Variants in CSRP3 observed in about 807,000 individuals in gnomAD.
CSRP3 encodes the protein cysteine and glycine-rich protein 3.
A neutral mutation model predicts 24.3 loss-of-function variants in CSRP3; 24 were observed. The observed-to-expected ratio is 0.99, with a 90% confidence interval of 0.71 to 1.39. The LOEUF is 1.39. CSRP3 is among the 40% of genes most tolerant of loss of function. The pLI, the probability that CSRP3 is intolerant of heterozygous loss-of-function variation, is 0.00. For missense variants in CSRP3, 240 were observed against 249.0 expected, an observed-to-expected ratio of 0.96 and a Z score of 0.24; for synonymous variants, 105 against 94.0, an observed-to-expected ratio of 1.12 and a Z score of -0.68.
At chr11:19,186,073 G>A in intron 4 of CSRP3, 143 bp downstream of exon 4, 1 of 1,039,020 alleles carries the variant, frequency 9.6e-7, no homozygotes, top group East Asian at 2.4e-5. Context: ...CTGGGAAAGT[G>A]GCTGAGGATG....
At chr11:19,201,183 G>A (rs1002894425) in intron 1 of CSRP3, among the ~76,000 whole-genome samples, 19 of 152,194 alleles carry the variant, frequency 1.2e-4, no homozygotes, top group African/African-American at 4.6e-4. Context: ...GAAACAGTGG[G>A]AATCCTAACC....
chr11:19,197,813 T>A (rs1344049487), intron 1 of CSRP3, among the ~76,000 whole-genome samples: 1 of 33,380 alleles, frequency 3.0e-5, no homozygotes. Context: ...AGATTTTGGA[T>A]CATAGGAACA....
chr11:19,188,963 AAG>A (rs1850575755), intron 2 of CSRP3, among the ~76,000 whole-genome samples: 1 of 152,138 alleles, frequency 6.6e-6, no homozygotes, highest in Admixed American at 6.5e-5. Flanking sequence ...CATTTTTCCA[AAG>A]AGAGGATTTA....
At chr11:19,201,690 A>T (rs1850846824) in intron 1 of CSRP3, among the ~76,000 whole-genome samples, 1 of 152,222 alleles carries the variant, frequency 6.6e-6, no homozygotes, top group Non-Finnish European at 1.5e-5. Context: ...AAGTAGTTTT[A>T]TAATGAGGAT....
intron 2 of CSRP3, among the ~76,000 whole-genome samples, chr11:19,190,260 T>C (rs1850593772): frequency 6.6e-6 from 1 of 152,262 alleles, no homozygotes; most frequent in African/African-American, 2.4e-5. Context: ...TGGCCAATTC[T>C]GTAGCCACTC....
intron 1 of CSRP3, among the ~76,000 whole-genome samples, chr11:19,198,048 T>C (rs962788677): frequency 6.6e-6 from 1 of 152,212 alleles, no homozygotes; most frequent in Admixed American, 6.5e-5. Context: ...CATGAATAGA[T>C]TGGAACTTAC....
At position 19,188,248 on chromosome 11, in the gene CSRP3, A is replaced by G. The variant is rs374764059; in HGVS notation, c.169T>C (p.Tyr57His). The change falls in exon 3 of 6, where the codon TAC (tyrosine) becomes CAC (histidine). Residue 57 changes from tyrosine to histidine, a missense_variant. Transcript: ENST00000265968. ...CTGCGCCCATAGCACACCTTGCAGT[A>G]GATCTCCGACTCATGAGCCGCGACT... ...TTVAAHESEI[Y>H]CKVCYGRRYG... The G allele has an allele frequency of 6.2e-7, 1 of 1,613,126 alleles. No homozygotes were observed. Among genetic ancestry groups the G allele is most frequent in the Non-Finnish European group, 8.5e-7 (1 of 1,180,016 alleles).
intron 2 of CSRP3, among the ~76,000 whole-genome samples, chr11:19,191,610 A>G (rs955701992): frequency 6.6e-6 from 1 of 152,234 alleles, no homozygotes; most frequent in South Asian, 2.1e-4. Context: ...ATAAGACTCT[A>G]TCGCAGATGC....
chr11:19,194,650 T>C (rs2133518965), intron 1 of CSRP3, among the ~76,000 whole-genome samples: 1 of 152,312 alleles, frequency 6.6e-6, no homozygotes, highest in Non-Finnish European at 1.5e-5. Flanking sequence ...ACCACTCTAC[T>C]TCAGCCTAAG....
chr11:19,185,677 C>T (rs956675104), intron 4 of CSRP3, among the ~76,000 whole-genome samples: 2 of 152,206 alleles, frequency 1.3e-5, no homozygotes, highest in African/African-American at 4.8e-5. Flanking sequence ...TAATTTTTCT[C>T]TTTCCTCAGG....
In CSRP3 at chr11:19,188,111, A is replaced by C. The variant is rs191035420; in HGVS notation, c.281+25T>G. 542 of 1,614,094 alleles carry C rather than the reference A, an allele frequency of 3.4e-4. 3 individuals carry two copies. The African/African-American group carries it at 6.2e-3, about 18-fold the overall frequency. On this transcript the variant is annotated intron_variant, in intron 3 of 5. Coordinates refer to ENST00000265968, the MANE Select transcript of CSRP3 (RefSeq NM_003476.5). ...CTGATAATTGGAGACTTTAACAGGCAAGGGGGAGCAGGGCAGTAACTCACT... is the reference window on the plus strand; with the variant it reads ...CTGATAATTGGAGACTTTAACAGGCCAGGGGGAGCAGGGCAGTAACTCACT...
chr11:19,183,105 C>T (rs1478596406), intron 5 of CSRP3, among the ~76,000 whole-genome samples: 1 of 152,066 alleles, frequency 6.6e-6, no homozygotes, highest in Non-Finnish European at 1.5e-5. Context: ...TTGCAGTGAG[C>T]CAAGATCACA....
intron 3 of CSRP3, 33 bp downstream of exon 3, chr11:19,188,103 T>C (rs913560056): frequency 8.1e-6 from 13 of 1,613,878 alleles, no homozygotes; most frequent in Non-Finnish European, 1.1e-5. Context: ...TTGGAGACTT[T>C]AACAGGCAAG....
chr11:19,192,249 C>T (rs1408281875), intron 2 of CSRP3, 88 bp downstream of exon 2: 2 of 900,632 alleles, frequency 2.2e-6, no homozygotes. Flanking sequence ...ACTATGAGAA[C>T]CACTGGCATA....
At chr11:19,200,105 A>T (rs964748792) in intron 1 of CSRP3, among the ~76,000 whole-genome samples, 6 of 152,036 alleles carry the variant, frequency 3.9e-5, no homozygotes, top group Non-Finnish European at 5.9e-5. Flanking sequence ...CCCCCCCAAA[A>T]CCCACTGGGT....
At chr11:19,190,573 T>G (rs1850597518) in intron 2 of CSRP3, among the ~76,000 whole-genome samples, 1 of 152,254 alleles carries the variant, frequency 6.6e-6, no homozygotes, top group Non-Finnish European at 1.5e-5. Context: ...GTTGCTGCAT[T>G]ATATTTATTT....
intron 2 of CSRP3, among the ~76,000 whole-genome samples, chr11:19,190,425 C>A (rs776306954): frequency 3.9e-5 from 6 of 152,192 alleles, no homozygotes; most frequent in Non-Finnish European, 8.8e-5. Flanking sequence ...TCCCACTGAT[C>A]ATTTGTATAT....
At position 19,184,977 on chromosome 11, in the gene CSRP3, G is replaced by T; in HGVS notation, c.483C>A (p.Asp161Glu). ...GKSLESTNVT[D>E]KDGELYCKVC... is the part of the protein sequence containing the mutation. ...CTTTGCAATAAAGTTCCCCATCTTTGTCAGTGACATTTGTGGACTCCAGAC... is the reference window on the plus strand; with the variant it reads ...CTTTGCAATAAAGTTCCCCATCTTTTTCAGTGACATTTGTGGACTCCAGAC... Residue 161 changes from aspartate to glutamate, a missense_variant, in exon 5 of 6, where the codon GAC becomes GAA. Asp to Glu is a conservative substitution (Grantham distance 45). Transcript: ENST00000265968. The T allele has an allele frequency of 6.2e-7, 1 of 1,613,852 alleles. No individual in the cohort carries two copies. The highest frequency in any genetic ancestry group is 8.5e-7 in the Non-Finnish European group (1 of 1,179,692).
intron 1 of CSRP3, among the ~76,000 whole-genome samples, chr11:19,201,649 T>A (rs1201497705): frequency 6.6e-6 from 1 of 152,234 alleles, no homozygotes; most frequent in Non-Finnish European, 1.5e-5. Flanking sequence ...TTGTTCCAAC[T>A]AAGATGACAG....
Sources: allele counts gnomAD v4.1 joint callset (sites outside exome capture counted in the v4.1 genomes callset), GRCh38; gene constraint gnomAD v4.1.1; transcripts MANE v1.5; gene names NCBI Gene and HGNC (gene_info 2026-07-23, HGNC 2026-07-21).